SSH1: variants seen among roughly 807,000 people sequenced by gnomAD.
SSH1 encodes slingshot protein phosphatase 1.
SSH1 carries 43 observed loss-of-function variants against 79.7 expected under a neutral mutation model. The observed-to-expected ratio is 0.54, with a 90% CI of 0.42 to 0.70. SSH1 has a LOEUF of 0.70. Among genes scored for constraint, SSH1 ranks in the 30% least tolerant of loss-of-function variants. The pLI, the probability that SSH1 is intolerant of heterozygous loss-of-function variation, is 0.00. For missense variants in SSH1, 1,206 were observed against 1,358.8 expected, an observed-to-expected ratio of 0.89 and a Z score of 1.77; for synonymous variants, 599 against 538.3, an observed-to-expected ratio of 1.11 and a Z score of -1.56.
At chr12:108,790,727 G>A (rs2036467262) in intron 14 of SSH1, among the ~76,000 whole-genome samples, 1 of 152,216 alleles carries the variant, frequency 6.6e-6, no homozygotes, top group African/African-American at 2.4e-5. Flanking sequence ...ATTATAACAT[G>A]CTGTTAATAA....
intron 2 of SSH1, chr12:108,827,445 G>T (rs1045803490): frequency 5.3e-6 from 7 of 1,311,960 alleles, no homozygotes; most frequent in Non-Finnish European, 6.8e-6. Flanking sequence ...GGAGGCTGCC[G>T]AGTGCTTCCA....
chr12:108,800,934 G>A lies in SSH1; in HGVS notation c.1002-8C>T. 3 of 1,610,544 alleles carry A rather than the reference G, an allele frequency of 1.9e-6. No individual in the cohort carries two copies. The highest frequency in any genetic ancestry group is 2.5e-6 in the Non-Finnish European group (3 of 1,178,582). On this transcript the variant is annotated splice_polypyrimidine_tract_variant and splice_region_variant and intron_variant, in intron 11 of 14. Transcript: ENST00000326495. ...TTTAAAATGTAATCAACCCTGCAAT[G>A]AGAAAAAAATAAGAAACAAATTTGG... is the stretch of plus-strand genomic sequence containing the variant.
rs906351647 is a variant in SSH1 at position 108,780,276 on chromosome 12, C to G, written c.*7712G>C. 6.6e-6 allele frequency: 1 copy of G among 152,156 alleles called. No homozygotes were observed. Among genetic ancestry groups the G allele is most frequent in the Non-Finnish European group, 1.5e-5 (1 of 68,044 alleles). The allele number at this position is 152,156 out of a possible 1,614,324, so 9.4% of individuals were successfully genotyped here. On this transcript the variant is annotated 3_prime_UTR_variant, in exon 15 of 15. Transcript: ENST00000326495. ...AACACAAACAAGCATGCGGATCCTCCCCAGCAAAACCACCTCCACTGTAGA... is the reference window on the plus strand; with the variant it reads ...AACACAAACAAGCATGCGGATCCTCGCCAGCAAAACCACCTCCACTGTAGA...
intron 6 of SSH1, among the ~76,000 whole-genome samples, chr12:108,810,415 G>A (rs919709412): frequency 2.0e-5 from 3 of 151,820 alleles, no homozygotes; most frequent in Admixed American, 6.6e-5. Flanking sequence ...CCAGCTATTC[G>A]GGAGGCTGAG....
intron 7 of SSH1, among the ~76,000 whole-genome samples, chr12:108,809,000 T>A (rs1310386498): frequency 6.6e-6 from 1 of 151,716 alleles, no homozygotes; most frequent in Non-Finnish European, 1.5e-5. Flanking sequence ...CACCTGGCTA[T>A]TTTTTGTATT....
chr12:108,828,745 T>C (rs1593104689), intron 2 of SSH1, among the ~76,000 whole-genome samples: 1 of 152,208 alleles, frequency 6.6e-6, no homozygotes, highest in Non-Finnish European at 1.5e-5. Flanking sequence ...TTGGCCCTTC[T>C]GCACTGCATA....
chr12:108,788,462 T>G lies in SSH1; in HGVS notation c.2676A>C (p.Gly892=), dbSNP rs1273495648. The change falls in exon 15 of 15, where the codon GGA becomes GGC. Residue 892 remains glycine (G), a synonymous_variant. Transcript: ENST00000326495. ...AAGGAGGGGGGCTCTTCAGTGAGCC[T>G]CCTTCCAATGAAGCGGGGGCGGCCT... The part of the protein sequence containing the change: ...KSEAAPASLE[G]GSLKSPPPFF... 3.8e-6 allele frequency: 6 copies of G among 1,561,818 alleles called. No individual in the cohort carries two copies. The highest frequency in any genetic ancestry group is 5.2e-6 in the Non-Finnish European group (6 of 1,156,590).
chr12:108,851,616 A>T (rs1462458382), intron 2 of SSH1, among the ~76,000 whole-genome samples: 2 of 152,234 alleles, frequency 1.3e-5, no homozygotes, highest in African/African-American at 4.8e-5. Flanking sequence ...ACAAAGGCAG[A>T]ACTTAATTTT....
intron 9 of SSH1, among the ~76,000 whole-genome samples, chr12:108,805,579 C>A (rs1218985489): frequency 6.6e-6 from 1 of 151,802 alleles, no homozygotes; most frequent in Non-Finnish European, 1.5e-5. Context: ...AAAGACAGGG[C>A]TGGATGGAGT....
rs138148976 is a variant in SSH1 at position 108,849,470 on chromosome 12, T to C, written c.110+3168A>G. 2.5e-3 allele frequency among the ~76,000 whole-genome samples: 388 copies of C among 152,200 alleles called. 1 individual carries two copies. The highest frequency in any genetic ancestry group is 3.8e-3 in the Admixed American group (58 of 15,290). Reference sequence around the variant, plus strand: ...TACTTGGGAGGCTGAGGTGGGAAGATAGCTTGGCCCCAGGAGTTCAAGGCT... The same window carrying C: ...TACTTGGGAGGCTGAGGTGGGAAGACAGCTTGGCCCCAGGAGTTCAAGGCT... On this transcript the variant is annotated intron_variant, in intron 2 of 14. Transcript: ENST00000326495.
At chr12:108,805,864 A>G (rs2037244441) in intron 9 of SSH1, among the ~76,000 whole-genome samples, 1 of 152,240 alleles carries the variant, frequency 6.6e-6, no homozygotes, top group Non-Finnish European at 1.5e-5. Context: ...GAGAGAAATT[A>G]TTCTAGAATT....
At chr12:108,831,982 T>TA (rs754995611) in intron 2 of SSH1, among the ~76,000 whole-genome samples, 10 of 152,332 alleles carry the variant, frequency 6.6e-5, no homozygotes, top group Admixed American at 1.3e-4. Flanking sequence ...GAATGCCTGG[T>TA]ATACTATCAA....
intron 3 of SSH1, among the ~76,000 whole-genome samples, chr12:108,822,187 A>G (rs973235721): frequency 1.3e-5 from 2 of 151,688 alleles, no homozygotes; most frequent in Non-Finnish European, 2.9e-5. Flanking sequence ...CACCCACAAA[A>G]AACTAGCTGG....
At chr12:108,812,615 A>T (rs1269671793) in intron 5 of SSH1, among the ~76,000 whole-genome samples, 3 of 152,334 alleles carry the variant, frequency 2.0e-5, no homozygotes, top group African/African-American at 7.2e-5. Flanking sequence ...AACCATGTGG[A>T]ACCTAAGCCC....
At chr12:108,817,367 A>C (rs1005660387) in intron 4 of SSH1, 56 of 575,144 alleles carry the variant, frequency 9.7e-5, no homozygotes, top group Non-Finnish European at 1.3e-4. Flanking sequence ...TGAGGTCAGG[A>C]GTTCGAGACC....
intron 6 of SSH1, 145 bp downstream of exon 6, chr12:108,811,115 C>A: frequency 1.3e-6 from 1 of 778,728 alleles, no homozygotes; most frequent in Non-Finnish European, 2.2e-6. Context: ...CCCTCTCACT[C>A]GAGGGCAATA....
chr12:108,805,331 G>A (rs923658494), intron 9 of SSH1, 147 bp from the exon 10 acceptor site: 9 of 818,868 alleles, frequency 1.1e-5, no homozygotes, highest in African/African-American at 6.8e-5. Context: ...TTAGATACAC[G>A]CAACATACAT....
intron 2 of SSH1, among the ~76,000 whole-genome samples, chr12:108,847,852 C>G (rs1033066874): frequency 3.9e-5 from 6 of 152,208 alleles, no homozygotes; most frequent in African/African-American, 1.4e-4. Context: ...GCACACAGAC[C>G]TGCATTGTAA....
chr12:108,816,086 C>T (rs1233653642), intron 5 of SSH1, among the ~76,000 whole-genome samples: 1 of 152,190 alleles, frequency 6.6e-6, no homozygotes, highest in African/African-American at 2.4e-5. Context: ...CCCACTTGCC[C>T]GTTAAGAGTC....
Sources: allele counts gnomAD v4.1 joint callset (sites outside exome capture counted in the v4.1 genomes callset), GRCh38; gene constraint gnomAD v4.1.1; transcripts MANE v1.5; gene names NCBI Gene and HGNC (gene_info 2026-07-23, HGNC 2026-07-21).